The following MYO1F variants were observed in gnomAD, a reference collection of about 807,000 sequenced individuals.
The protein encoded by MYO1F is unconventional myosin-If.
MYO1F carries 60 observed loss-of-function variants against 146.6 expected under a neutral mutation model. That is an observed-to-expected ratio of 0.41 (90% CI 0.33 to 0.51). The LOEUF (loss-of-function observed/expected upper bound fraction) is 0.51, where lower values mean the gene tolerates loss of function less well. MYO1F is among the 20% of genes least tolerant of loss of function. The pLI, the probability that MYO1F is intolerant of heterozygous loss-of-function variation, is 0.25. For missense variants in MYO1F, 1,274 were observed against 1,534.3 expected, an observed-to-expected ratio of 0.83 and a Z score of 2.83; for synonymous variants, 602 against 602.1, an observed-to-expected ratio of 1.00 and a Z score of 0.00.
chr19:8,530,257 A>G lies in MYO1F; in HGVS notation c.2267T>C (p.Leu756Pro), dbSNP rs765642176. The change falls in exon 21 of 28, where the codon CTG (leucine) becomes CCG (proline). Residue 756 changes from leucine to proline, a missense_variant. By Grantham distance (98) the Leu-to-Pro change is moderately conservative. Coordinates refer to ENST00000644032, the MANE Select transcript of MYO1F (RefSeq NM_012335.4). This position sits in a 1 kb window ranked among gnomAD's most constrained non-coding sequence, Gnocchi z 5.8. ...GAAGTCCACCCGCTCCCTCTTGCCCAGGAACTGACGCAGCTCGGGCCGCTC... is the reference window on the plus strand; with the variant it reads ...GAAGTCCACCCGCTCCCTCTTGCCCGGGAACTGACGCAGCTCGGGCCGCTC... ...LEERPELRQFLGKRERVDFAD... is the reference protein window; with the variant it reads ...LEERPELRQFPGKRERVDFAD... 21 of 1,614,104 alleles carry G rather than the reference A, an allele frequency of 1.3e-5. No homozygotes were observed. The highest frequency in any genetic ancestry group is 1.7e-5 in the Non-Finnish European group (20 of 1,180,012).
intron 14 of MYO1F, among the ~76,000 whole-genome samples, chr19:8,543,639 GTGGTGGTGGTGGTGC>G (rs1568348180): frequency 1.2e-4 from 18 of 147,568 alleles, no homozygotes; most frequent in Admixed American, 8.8e-4. Flanking sequence ...AGGGAACACG[GTGGTGGTGGTGGTGC>G]TGGTGGTGGT....
At chr19:8,567,038 T>C (rs1297403276) in intron 1 of MYO1F, among the ~76,000 whole-genome samples, 2 of 151,450 alleles carry the variant, frequency 1.3e-5, no homozygotes, top group African/African-American at 4.9e-5. Flanking sequence ...TGGCTGAGGT[T>C]AGTCCTATCA....
intron 14 of MYO1F, 57 bp downstream of exon 14, chr19:8,544,240 C>T: frequency 1.9e-6 from 3 of 1,594,766 alleles, no homozygotes; most frequent in East Asian, 4.5e-5. Flanking sequence ...GGGCTACAGC[C>T]TGGAGCCCTG....
chr19:8,525,606 C>A (rs749323853), intron 24 of MYO1F, 44 bp from the exon 25 acceptor site: 4 of 1,527,190 alleles, frequency 2.6e-6, no homozygotes, highest in Non-Finnish European at 1.8e-6. Context: ...ACAGACCACG[C>A]TCTTTGCCCC....
At chr19:8,547,983 T>TCCC in intron 12 of MYO1F, 53 bp downstream of exon 12, 5 of 1,371,032 alleles carry the variant, frequency 3.6e-6, no homozygotes, top group Non-Finnish European at 5.2e-6. Context: ...TCATGGTCCT[T>TCCC]CCACCCCACC....
Position 8,550,274 on chromosome 19 carries a change from G to T in MYO1F, c.987C>A (p.Arg329=). The part of the protein sequence containing the change: ...EKLTSRKMDS[R]WGGRSESINV... ...TGATGGACTCGCTGCGCCCGCCCCA[G>T]CGGCTGTCCATCTTGCGGCTGGTCA... Residue 329 remains arginine, a synonymous_variant, in exon 10 of 28, where the codon CGC becomes CGA. Coordinates refer to ENST00000644032, the MANE Select transcript of MYO1F (RefSeq NM_012335.4). The T allele has an allele frequency of 1.2e-6, 2 of 1,614,204 alleles. No individual in the cohort carries two copies. Among genetic ancestry groups the T allele is most frequent in the Non-Finnish European group, 1.7e-6 (2 of 1,180,056 alleles).
At chr19:8,576,029 C>G (rs2042233618) in intron 1 of MYO1F, among the ~76,000 whole-genome samples, 1 of 152,182 alleles carries the variant, frequency 6.6e-6, no homozygotes, top group Non-Finnish European at 1.5e-5. Context: ...ACGGAGTGTG[C>G]TCTGTCACCC....
At chr19:8,557,592 G>A (rs1008622810) in intron 1 of MYO1F, among the ~76,000 whole-genome samples, 2 of 152,128 alleles carry the variant, frequency 1.3e-5, no homozygotes, top group African/African-American at 4.8e-5. Flanking sequence ...GTAAGCTACT[G>A]CACCCAGCCC....
In MYO1F at chr19:8,521,261, T is replaced by C; in HGVS notation, c.*267A>G. 7.7e-6 allele frequency: 4 copies of C among 516,666 alleles called. No individual in the cohort carries two copies. Among genetic ancestry groups the C allele is most frequent in the East Asian group, 6.9e-5 (2 of 29,002 alleles). The allele number at this position is 516,666 out of a possible 1,614,324, so 32.0% of individuals were successfully genotyped here. A position where few individuals can be genotyped will look rare whatever the true frequency, so the allele number is the denominator to read the frequency against. On this transcript the variant is annotated 3_prime_UTR_variant, in exon 28 of 28. Transcript: ENST00000644032. Reference sequence around the variant, plus strand: ...TCTTAATCACATGGCAGTTGGGAGGTAGATTCTGCTGTTAGTCCCCTTTGA... The same window carrying C: ...TCTTAATCACATGGCAGTTGGGAGGCAGATTCTGCTGTTAGTCCCCTTTGA...
At chr19:8,568,981 G>C (rs923163282) in intron 1 of MYO1F, among the ~76,000 whole-genome samples, 2 of 152,092 alleles carry the variant, frequency 1.3e-5, no homozygotes, top group African/African-American at 4.8e-5. Flanking sequence ...TCTGAAACAA[G>C]TACAGGAGCG....
intron 10 of MYO1F, chr19:8,549,924 C>CT (rs1973531542): frequency 3.3e-6 from 2 of 597,922 alleles, no homozygotes; most frequent in East Asian, 5.7e-5. Context: ...CCTCAGCCCT[C>CT]TGAGTAGCCA....
intron 12 of MYO1F, 25 bp downstream of exon 12, chr19:8,548,011 C>A: frequency 3.2e-6 from 5 of 1,577,466 alleles, no homozygotes; most frequent in Non-Finnish European, 4.3e-6. Context: ...CAGGATCCCC[C>A]ATCCCTGACT....
At chr19:8,569,752 C>T (rs973337778) in intron 1 of MYO1F, among the ~76,000 whole-genome samples, 3 of 152,088 alleles carry the variant, frequency 2.0e-5, no homozygotes, top group African/African-American at 7.2e-5. Context: ...CAAGAGACAT[C>T]AGCCAGAGAG....
chr19:8,568,902 C>T (rs2042058718), intron 1 of MYO1F, among the ~76,000 whole-genome samples: 1 of 151,992 alleles, frequency 6.6e-6, no homozygotes, highest in Non-Finnish European at 1.5e-5. Flanking sequence ...GCCTGGGCAA[C>T]AGAGCGAGAC....
At chr19:8,549,458 C>G (rs1973511610) in intron 10 of MYO1F, 1 of 151,670 alleles carries the variant, frequency 6.6e-6, no homozygotes, top group African/African-American at 2.4e-5. Flanking sequence ...TTTGTAGAGA[C>G]AGGGTTTTGC....
intron 21 of MYO1F, 94 bp from the exon 22 acceptor site, chr19:8,527,577 C>A: frequency 6.5e-7 from 1 of 1,527,508 alleles, no homozygotes; most frequent in South Asian, 1.2e-5. Flanking sequence ...GCTGGCAGGT[C>A]AGGTGAGGAA....
intron 1 of MYO1F, among the ~76,000 whole-genome samples, chr19:8,572,530 A>G (rs534154638): frequency 2.6e-5 from 4 of 152,122 alleles, no homozygotes; most frequent in African/African-American, 9.6e-5. Flanking sequence ...GGCCTCCTAA[A>G]GTGCTGGGAT....
Position 8,525,557 on chromosome 19 carries a change from T to C in MYO1F, c.2776A>G (p.Thr926Ala), listed in dbSNP as rs774844121. ...GDGLPKSSKP[T>A]RKGMAKGKPR... The stretch of plus-strand genomic sequence containing the variant: ...TTTCCCTTGGCCATTCCCTTCCGCG[T>C]AGGCTCTGAAAGAAGAGTGTCAGGG... Residue 926 changes from threonine to alanine, a missense_variant, in exon 25 of 28, where the codon ACG (threonine) becomes GCG (alanine). Physicochemically the swap from Thr to Ala is moderately conservative, Grantham distance 58. This residue lies in a region of MYO1F where 374 missense variants were observed against 379.2 expected (regional missense o/e 0.99). Coordinates refer to ENST00000644032, the MANE Select transcript of MYO1F (RefSeq NM_012335.4). 4 of 1,613,136 alleles carry C rather than the reference T, an allele frequency of 2.5e-6. No individual in the cohort carries two copies. Among genetic ancestry groups the C allele is most frequent in the Non-Finnish European group, 3.4e-6 (4 of 1,179,858 alleles).
intron 1 of MYO1F, among the ~76,000 whole-genome samples, chr19:8,564,976 T>C (rs547013077): frequency 2.0e-5 from 3 of 151,254 alleles, no homozygotes; most frequent in Non-Finnish European, 2.9e-5. Flanking sequence ...TTTCACCACG[T>C]TGGACACGCT....
Sources: gnomAD v4.1 joint callset for allele counts (sites outside exome capture counted in the v4.1 genomes callset) on GRCh38, gnomAD v4.1.1 for gene constraint, gnomAD v4.1.1 regional missense constraint, Gnocchi (gnomAD v3.1) non-coding constraint, MANE v1.5 for transcripts, NCBI Gene and HGNC (gene_info 2026-07-23, HGNC 2026-07-21) for gene names.